TGM3: variants seen among roughly 807,000 people sequenced by gnomAD.
The protein encoded by TGM3 is transglutaminase 3.
In TGM3, 52 loss-of-function variants were observed where a neutral mutation model predicts 73.8. The ratio of observed to expected loss-of-function variants is 0.70; its 90% CI spans 0.56 to 0.89. The LOEUF is 0.89. Ranked by LOEUF, TGM3 falls within the 40% of genes least tolerant of loss-of-function variation. TGM3 has a pLI of 0.00. For missense variants in TGM3, 928 were observed against 909.9 expected, an observed-to-expected ratio of 1.02 and a Z score of -0.26; for synonymous variants, 372 against 354.9, an observed-to-expected ratio of 1.05 and a Z score of -0.54.
At chr20:2,315,967 C>T (rs1168650463) in intron 5 of TGM3, among the ~76,000 whole-genome samples, 1 of 152,212 alleles carries the variant, frequency 6.6e-6, no homozygotes, top group African/African-American at 2.4e-5. Context: ...TCAGCAATTA[C>T]CTCTTCAAGG....
intron 7 of TGM3, 92 bp downstream of exon 7, chr20:2,317,577 T>A: frequency 6.5e-7 from 1 of 1,547,326 alleles, no homozygotes; most frequent in Non-Finnish European, 8.8e-7. Flanking sequence ...TCCAAACAGG[T>A]GTTGCAAGGC....
chr20:2,340,720 C>G lies in TGM3; in HGVS notation c.*139C>G. 9.2e-7 allele frequency: 1 copy of G among 1,092,340 alleles called. No homozygotes were observed. The highest frequency in any genetic ancestry group is 1.4e-5 in the South Asian group (1 of 71,304). The allele number at this position is 1,092,340 out of a possible 1,614,324, so 67.7% of individuals were successfully genotyped here. A position where few individuals can be genotyped will look rare whatever the true frequency, so the allele number is the denominator to read the frequency against. On this transcript the variant is annotated 3_prime_UTR_variant, in exon 13 of 13. Coordinates refer to ENST00000381458, the MANE Select transcript of TGM3 (RefSeq NM_003245.4). Reference sequence around the variant, plus strand: ...AGGCTGCCAGACATGGACCTCCAGGCTCCAGCACATCCCCCTCTCCTCTCC... The same window carrying G: ...AGGCTGCCAGACATGGACCTCCAGGGTCCAGCACATCCCCCTCTCCTCTCC...
intron 8 of TGM3, among the ~76,000 whole-genome samples, chr20:2,326,579 T>C (rs747755009): frequency 3.3e-5 from 5 of 152,218 alleles, no homozygotes; most frequent in Non-Finnish European, 7.3e-5. Context: ...CTGGGAGTGG[T>C]GGCTCACACC....
At chr20:2,313,828 C>T (rs914117810) in intron 5 of TGM3, among the ~76,000 whole-genome samples, 7 of 151,956 alleles carry the variant, frequency 4.6e-5, no homozygotes, top group Non-Finnish European at 8.8e-5. Context: ...CAGGAGTTTG[C>T]CACCAGCCTG....
chr20:2,326,865 T>C (rs915237330), intron 8 of TGM3, among the ~76,000 whole-genome samples: 7 of 151,818 alleles, frequency 4.6e-5, no homozygotes, highest in Non-Finnish European at 8.8e-5. Context: ...AAAAATGTGA[T>C]ATATGAAGTA....
At position 2,340,870 on chromosome 20, in the gene TGM3, A is replaced by G. The variant is rs2084378742; in HGVS notation, c.*289A>G. 1.8e-6 allele frequency: 1 copy of G among 550,528 alleles called. No homozygotes were observed. The highest frequency in any genetic ancestry group is 3.5e-6 in the Non-Finnish European group (1 of 288,542). 34.1% of individuals were successfully genotyped at this position (550,528 alleles called of 1,614,324 possible). On this transcript the variant is annotated 3_prime_UTR_variant, in exon 13 of 13. Transcript: ENST00000381458. ...GCCCTGCTCATTCCTCACGCCCTTC[A>G]ATGCTGCAGGATGGACTGGCCCCTG...
At position 2,328,510 on chromosome 20, in the gene TGM3, C is replaced by G; in HGVS notation, c.1333+145C>G. On this transcript the variant is annotated intron_variant, in intron 9 of 12. Transcript: ENST00000381458. This position sits in a 1 kb window ranked among gnomAD's most constrained non-coding sequence, Gnocchi z 5.2. ...GATAGGATTGCTCCCTAGCACCTAA[C>G]ATCCACCTCCCAGGACTGTTTCCGG... The G allele has an allele frequency of 8.4e-7, 1 of 1,183,576 alleles. No homozygotes were observed. The highest frequency in any genetic ancestry group is 1.2e-6 in the Non-Finnish European group (1 of 849,438). The allele number at this position is 1,183,576 out of a possible 1,614,324, so 73.3% of individuals were successfully genotyped here. A position where few individuals can be genotyped will look rare whatever the true frequency, so the allele number is the denominator to read the frequency against.
At chr20:2,304,279 A>AG (rs2122211506) in intron 1 of TGM3, among the ~76,000 whole-genome samples, 1 of 152,168 alleles carries the variant, frequency 6.6e-6, no homozygotes, top group Admixed American at 6.5e-5. Context: ...GAGCAATCCT[A>AG]GGGTTAAGGG....
At position 2,325,913 on chromosome 20, in the gene TGM3, T is replaced by G. The variant is rs2084285091; in HGVS notation, c.1048T>G (p.Trp350Gly). The change falls in exon 8 of 13, where the codon TGG becomes GGG. Residue 350 changes from tryptophan to glycine, a missense_variant. Physicochemically the swap from Trp to Gly is radical, Grantham distance 184. Coordinates refer to ENST00000381458, the MANE Select transcript of TGM3 (RefSeq NM_003245.4). ...TGACCTGGGCCCCTCGTACGGTGGATGGCAGGTGTTGGATGCTACCCCGCA... is the reference window on the plus strand; with the variant it reads ...TGACCTGGGCCCCTCGTACGGTGGAGGGCAGGTGTTGGATGCTACCCCGCA... ...RSDLGPSYGG[W>G]QVLDATPQER... 1 of 1,594,864 alleles carries G rather than the reference T, an allele frequency of 6.3e-7. No homozygotes were observed. Among genetic ancestry groups the G allele is most frequent in the Admixed American group, 1.7e-5 (1 of 57,716 alleles).
At chr20:2,340,316 TA>T in intron 12 of TGM3, 117 bp from the exon 13 acceptor site, 2 of 1,442,252 alleles carry the variant, frequency 1.4e-6, no homozygotes. Context: ...TAGAGGGAGC[TA>T]AAGAAGCAGT....
intron 5 of TGM3, among the ~76,000 whole-genome samples, chr20:2,313,862 C>G (rs1051911155): frequency 6.6e-6 from 1 of 151,944 alleles, no homozygotes; most frequent in Non-Finnish European, 1.5e-5. Flanking sequence ...GACCTCGTCT[C>G]TACAGAAATT....
chr20:2,333,595 T>C (rs1167991762), intron 10 of TGM3, among the ~76,000 whole-genome samples: 2 of 152,096 alleles, frequency 1.3e-5, no homozygotes, highest in African/African-American at 2.4e-5. Context: ...AGGGTCTCAC[T>C]ATGTTGCCCA....
rs541071725 is a variant in TGM3, at chr20:2,329,288, T to C, written c.1333+923T>C. On this transcript the variant is annotated intron_variant, in intron 9 of 12. Coordinates refer to ENST00000381458, the MANE Select transcript of TGM3 (RefSeq NM_003245.4). ...GAATCTCTAAGTGACGGTTGGCTAA[T>C]GGTGTTGGCCGAGTTTACAAAAAAG... Among the ~76,000 whole-genome samples the C allele has an allele frequency of 3.3e-5, 5 of 152,280 alleles. 1 individual carries two copies. The highest frequency in any genetic ancestry group is 1.2e-4 in the African/African-American group (5 of 41,556).
Position 2,328,063 on chromosome 20 carries a change from G to T in TGM3, c.1088-57G>T. On this transcript the variant is annotated intron_variant, in intron 8 of 12. Transcript: ENST00000381458. This position sits in a 1 kb window ranked among gnomAD's most constrained non-coding sequence, Gnocchi z 5.2. ...GGTCCTGGAAGGCCCTGGGGAATCG[G>T]GCACTGGGTAGGTTGTGGCCTTGGC... 1.2e-6 allele frequency: 2 copies of T among 1,606,946 alleles called. No individual in the cohort carries two copies. The highest frequency in any genetic ancestry group is 2.2e-5 in the South Asian group (2 of 90,142).
At chr20:2,337,896 C>G (rs192203755) in intron 11 of TGM3, among the ~76,000 whole-genome samples, 19 of 152,232 alleles carry the variant, frequency 1.2e-4, no homozygotes, top group Middle Eastern at 3.4e-3. Context: ...GAAAGGAAAT[C>G]AGAATATATA....
chr20:2,319,572 CA>C (rs758847628), intron 7 of TGM3, among the ~76,000 whole-genome samples: 4 of 152,204 alleles, frequency 2.6e-5, no homozygotes, highest in Non-Finnish European at 4.4e-5. Flanking sequence ...ATCAGCTTAA[CA>C]TCACCTTTGG....
intron 1 of TGM3, among the ~76,000 whole-genome samples, chr20:2,308,879 CT>C (rs11308962): frequency 0.76 from 108,868 of 142,464 alleles, 41,999 homozygotes; most frequent in East Asian, 0.92. Flanking sequence ...CCCTTCAGTT[CT>C]TTTTTTTTTT....
rs1207341796 is a variant in TGM3, at chr20:2,310,306, G to A, written c.310G>A (p.Ala104Thr). 1 of 1,614,118 alleles carries A rather than the reference G, an allele frequency of 6.2e-7. No homozygotes were observed. Among genetic ancestry groups the A allele is most frequent in the African/African-American group, 1.3e-5 (1 of 74,944 alleles). ...NTLTISISSP[A>T]SAPIGRYTMA... ...TCTGACTATCAGCATCTCCAGTCCTGCCAGCGCACCCATAGGACGGTACAC... is the reference window on the plus strand; with the variant it reads ...TCTGACTATCAGCATCTCCAGTCCTACCAGCGCACCCATAGGACGGTACAC... The change falls in exon 3 of 13, where the codon GCC (alanine) becomes ACC (threonine). Residue 104 changes from alanine (A) to threonine (T), a missense_variant. Ala to Thr is a moderately conservative substitution (Grantham distance 58). Coordinates refer to ENST00000381458, the MANE Select transcript of TGM3 (RefSeq NM_003245.4).
In TGM3 at chr20:2,309,177, C is replaced by T. The variant is rs558499185; in HGVS notation, c.8-480C>T. On this transcript the variant is annotated intron_variant, in intron 1 of 12. Coordinates refer to ENST00000381458, the MANE Select transcript of TGM3 (RefSeq NM_003245.4). ...TACTGGCGTGAGCCACCACACCCGG[C>T]GCCTCCCTTCGTTTCTGTTGGAGCC... Among the ~76,000 whole-genome samples the T allele has an allele frequency of 3.9e-5, 6 of 152,336 alleles. No homozygotes were observed. The South Asian group carries it at 1.0e-3, about 26-fold the overall frequency.
Sources: allele counts gnomAD v4.1 joint callset (sites outside exome capture counted in the v4.1 genomes callset), GRCh38; gene constraint gnomAD v4.1.1; non-coding constraint Gnocchi (gnomAD v3.1); transcripts MANE v1.5; gene names NCBI Gene and HGNC (gene_info 2026-07-23, HGNC 2026-07-21).